HNRNPL: variants seen among roughly 807,000 people sequenced by gnomAD.
The protein encoded by HNRNPL is epididymis secretory sperm binding protein.
In HNRNPL, 12 loss-of-function variants were observed where a neutral mutation model predicts 64.0. That is an observed-to-expected ratio of 0.19 (90% CI 0.12 to 0.30). The LOEUF (loss-of-function observed/expected upper bound fraction) is 0.30, where lower values mean the gene tolerates loss of function less well. Among genes scored for constraint, HNRNPL ranks in the 10% least tolerant of loss-of-function variants. The probability of loss-of-function intolerance (pLI) is 1.00; values close to 1 mark genes in which losing one functional copy is unlikely to be tolerated. For synonymous variants in HNRNPL, 385 were observed against 313.0 expected (o/e 1.23, Z -2.43); for missense variants, 484 against 797.4 (o/e 0.61, Z 4.73).
intron 9 of HNRNPL, 69 bp from the exon 10 acceptor site, chr19:38,838,667 T>C (rs1016911867): frequency 6.7e-7 from 1 of 1,492,062 alleles, no homozygotes. Context: ...CCCTGTGGCC[T>C]CCAGAGGCTT....
Position 38,840,571 on chromosome 19 carries a change from GAA to G in HNRNPL, c.881-14_881-13del, listed in dbSNP as rs1158747309. ...GCTGCCAGGGTCACCTGTGGAGAGA[GAA>G]AACAGTTAGGAGTCTCACTCAGAAA... On this transcript the variant is annotated splice_polypyrimidine_tract_variant and intron_variant, in intron 6 of 12. Coordinates refer to ENST00000221419, the MANE Select transcript of HNRNPL (RefSeq NM_001533.3). 1 of 1,572,388 alleles carries G rather than the reference GAA, an allele frequency of 6.4e-7. No individual in the cohort carries two copies. Among genetic ancestry groups the G allele is most frequent in the East Asian group, 2.3e-5 (1 of 42,778 alleles).
At chr19:38,841,511 T>C in intron 6 of HNRNPL, 1 of 539,180 alleles carries the variant, frequency 1.9e-6, no homozygotes, top group Non-Finnish European at 3.3e-6. Flanking sequence ...CCGGCCTGGG[T>C]TTTGTTACCA....
In HNRNPL at chr19:38,840,543, G is replaced by T. The variant is rs1266159251; in HGVS notation, c.897C>A (p.Asn299Lys). ...GGGGCTGCCTCTGGCGTTTGTTGGG[G>T]TTGCTGCCAGGGTCACCTGTGGAGA... ...NLSGQGDPGS[N>K]PNKRQRQPPL... Residue 299 changes from asparagine (N) to lysine (K), a missense_variant, in exon 7 of 13, where the codon AAC (asparagine) becomes AAA (lysine). Physicochemically the swap from Asn to Lys is moderately conservative, Grantham distance 94. This residue lies in a region of HNRNPL where 60 missense variants were observed against 192.2 expected (regional missense o/e 0.31). Transcript: ENST00000221419. 4 of 1,589,458 alleles carry T rather than the reference G, an allele frequency of 2.5e-6. No homozygotes were observed. Among genetic ancestry groups the T allele is most frequent in the Non-Finnish European group, 3.4e-6 (4 of 1,168,800 alleles).
In HNRNPL at chr19:38,840,380, G is replaced by C. The variant is rs759957167; in HGVS notation, c.953-4C>G. 1.9e-6 allele frequency: 3 copies of C among 1,558,230 alleles called. No individual in the cohort carries two copies. Among genetic ancestry groups the C allele is most frequent in the African/African-American group, 2.7e-5 (2 of 73,078 alleles). ...TGGTACCCACCGTGGGGCCCTCCTG[G>C]GGGGTGGGAAGGAAAGAGAGGGAGG... On this transcript the variant is annotated splice_polypyrimidine_tract_variant and splice_region_variant and intron_variant, in intron 7 of 12. Transcript: ENST00000221419.
chr19:38,841,325 C>T (rs376447101), intron 6 of HNRNPL: 1 of 344,702 alleles, frequency 2.9e-6, no homozygotes, highest in Non-Finnish European at 5.7e-6. Context: ...GAGGTAGGTT[C>T]TGATATTTCA....
chr19:38,836,921 A>C (rs1353983724), intron 12 of HNRNPL, 141 bp from the exon 13 acceptor site: 3 of 610,084 alleles, frequency 4.9e-6, no homozygotes, highest in African/African-American at 1.9e-5. Flanking sequence ...GTGAGGCTTC[A>C]AGATGAGCCA....
upstream of HNRNPL, chr19:38,851,100 G>A (rs915645632): frequency 3.9e-5 from 6 of 152,566 alleles, no homozygotes; most frequent in Non-Finnish European, 8.8e-5. Flanking sequence ...CACCACAGGA[G>A]GTCCTGGCCC....
intron 1 of HNRNPL, among the ~76,000 whole-genome samples, chr19:38,848,533 G>T (rs1355165976): frequency 6.6e-6 from 1 of 152,194 alleles, no homozygotes; most frequent in Non-Finnish European, 1.5e-5. Flanking sequence ...GCCTCTCCTG[G>T]GCTCTGGGGC....
Position 38,845,971 on chromosome 19 carries a change from G to A in HNRNPL, c.506C>T (p.Ala169Val). The change falls in exon 3 of 13, where the codon GCT (alanine) becomes GTT (valine). Residue 169 changes from alanine (A) to valine (V), a missense_variant. Ala to Val is a moderately conservative substitution (Grantham distance 64). This residue lies in a region of HNRNPL where 18 missense variants were observed against 19.0 expected (regional missense o/e 0.95). Coordinates refer to ENST00000221419, the MANE Select transcript of HNRNPL (RefSeq NM_001533.3). Reference sequence around the variant, plus strand: ...CTGGCTGGTAGAGTAGTTGACAAAAGCTGGGTGACCAGCAATGTATATTTG... The same window carrying A: ...CTGGCTGGTAGAGTAGTTGACAAAAACTGGGTGACCAGCAATGTATATTTG... The part of the protein sequence containing the change: ...DNQIYIAGHP[A>V]FVNYSTSQKI... 1.2e-6 allele frequency: 2 copies of A among 1,614,156 alleles called. No individual in the cohort carries two copies. Among genetic ancestry groups the A allele is most frequent in the Non-Finnish European group, 1.7e-6 (2 of 1,179,986 alleles).
rs764384817 is a variant in HNRNPL, at chr19:38,840,392, G to A, written c.953-16C>T. The stretch of plus-strand genomic sequence containing the variant: ...TGGGGCCCTCCTGGGGGGTGGGAAG[G>A]AAAGAGAGGGAGGACGGGTGAGAAT... On this transcript the variant is annotated splice_polypyrimidine_tract_variant and intron_variant, in intron 7 of 12. Coordinates refer to ENST00000221419, the MANE Select transcript of HNRNPL (RefSeq NM_001533.3). The A allele has an allele frequency of 1.9e-6, 3 of 1,562,896 alleles. No homozygotes were observed. Among genetic ancestry groups the A allele is most frequent in the Non-Finnish European group, 1.7e-6 (2 of 1,153,874 alleles).
rs769313611 is a variant in HNRNPL at position 38,840,185 on chromosome 19, G to A, written c.1144C>T (p.Pro382Ser). The change falls in exon 8 of 13, where the codon CCT (proline) becomes TCT (serine). Residue 382 changes from proline to serine, a missense_variant. Transcript: ENST00000221419. Reference protein sequence around the residue: ...PPEYGPHADSPVLMVYGLDQS... With the variant: ...PPEYGPHADSSVLMVYGLDQS... The stretch of plus-strand genomic sequence containing the variant: ...TCCAAGCCATAGACCATGAGCACAG[G>A]GCTGTCGGCGTGAGGGCCATACTCG... 5 of 1,606,680 alleles carry A rather than the reference G, an allele frequency of 3.1e-6. No homozygotes were observed. The highest frequency in any genetic ancestry group is 3.3e-5 in the Admixed American group (2 of 59,810).
rs764304876 is a variant in HNRNPL at position 38,849,888 on chromosome 19, T to C, written c.79A>G (p.Arg27Gly). 5.3e-5 allele frequency: 66 copies of C among 1,243,052 alleles called. No homozygotes were observed. Among genetic ancestry groups the C allele is most frequent in the Middle Eastern group, 2.5e-4 (1 of 4,006 alleles). 77.0% of individuals were successfully genotyped at this position (1,243,052 alleles called of 1,614,324 possible). A position where few individuals can be genotyped will look rare whatever the true frequency, so the allele number is the denominator to read the frequency against. ...EQRQQPDEQR[R>G]RSGAMVKMAA... The stretch of plus-strand genomic sequence containing the variant: ...ATCTTCACCATCGCTCCCGACCGCC[T>C]CCGCTGCTCGTCCGGCTGCTGCCTC... Residue 27 changes from arginine (R) to glycine (G), a missense_variant, in exon 1 of 13, where the codon AGG becomes GGG. This residue lies in a region of HNRNPL where 190 missense variants were observed against 160.1 expected (regional missense o/e 1.19). Coordinates refer to ENST00000221419, the MANE Select transcript of HNRNPL (RefSeq NM_001533.3).
chr19:38,847,809 A>AGGGCTCTAACAGCT (rs1333451595), intron 1 of HNRNPL, among the ~76,000 whole-genome samples: 4 of 152,230 alleles, frequency 2.6e-5, no homozygotes, highest in Non-Finnish European at 5.9e-5. Flanking sequence ...ACTGGCAGCA[A>AGGGCTCTAACAGCT]GGGCTCTAAC....
intron 1 of HNRNPL, 64 bp downstream of exon 1, chr19:38,849,636 C>T: frequency 7.7e-7 from 1 of 1,297,388 alleles, no homozygotes; most frequent in Non-Finnish European, 9.8e-7. Flanking sequence ...AAATAAAATG[C>T]CCTCAAGCTG....
In HNRNPL at chr19:38,836,697, G is replaced by C; in HGVS notation, c.*25C>G. The C allele has an allele frequency of 6.5e-7, 1 of 1,545,942 alleles. No individual in the cohort carries two copies. Among genetic ancestry groups the C allele is most frequent in the Non-Finnish European group, 8.9e-7 (1 of 1,129,430 alleles). On this transcript the variant is annotated 3_prime_UTR_variant, in exon 13 of 13. Coordinates refer to ENST00000221419, the MANE Select transcript of HNRNPL (RefSeq NM_001533.3). ...GGAAAGAGAAATGTCTTCCTGCTCA[G>C]ATGGGACTCTTCCTAGGCACCTAAT...
upstream of HNRNPL, chr19:38,850,108 C>G (rs1021159050): frequency 6.5e-5 from 40 of 618,020 alleles, no homozygotes; most frequent in Non-Finnish European, 9.4e-5. Context: ...GCTTATTGGA[C>G]ATTGCCCACG....
intron 3 of HNRNPL, 25 bp downstream of exon 3, chr19:38,845,828 A>C (rs369145045): frequency 1.2e-6 from 2 of 1,606,554 alleles, no homozygotes; most frequent in Non-Finnish European, 1.7e-6. Flanking sequence ...GGGAGACCTC[A>C]CAAGAAATGC....
Position 38,837,579 on chromosome 19 carries a change from G to A in HNRNPL, c.1615+15C>T, listed in dbSNP as rs1306543162. ...CCATGCAATTAGGGCAAGGAGGTGG[G>A]CACACTCGACTCACTTTTGCCTGAG... On this transcript the variant is annotated intron_variant, in intron 11 of 12. Coordinates refer to ENST00000221419, the MANE Select transcript of HNRNPL (RefSeq NM_001533.3). The A allele has an allele frequency of 6.2e-7, 1 of 1,613,858 alleles. No homozygotes were observed. Among genetic ancestry groups the A allele is most frequent in the Non-Finnish European group, 8.5e-7 (1 of 1,179,720 alleles).
chr19:38,849,383 A>C, intron 1 of HNRNPL: 2 of 290,794 alleles, frequency 6.9e-6, no homozygotes, highest in Non-Finnish European at 6.4e-6. Context: ...AGAAAATGAT[A>C]AAGGGGAAAA....
Sources: gnomAD v4.1 joint callset for allele counts (sites outside exome capture counted in the v4.1 genomes callset) on GRCh38, gnomAD v4.1.1 for gene constraint, gnomAD v4.1.1 regional missense constraint, MANE v1.5 for transcripts, NCBI Gene and HGNC (gene_info 2026-07-23, HGNC 2026-07-21) for gene names.